DSE: variants seen among roughly 807,000 people sequenced by gnomAD.
DSE encodes the protein dermatan-sulfate epimerase.
A neutral mutation model predicts 84.4 loss-of-function variants in DSE; 36 were observed. The ratio of observed to expected loss-of-function variants is 0.43; its 90% CI spans 0.33 to 0.56. The LOEUF (loss-of-function observed/expected upper bound fraction) is 0.56. Among genes scored for constraint, DSE ranks in the 20% least tolerant of loss-of-function variants. The pLI is 0.06. For synonymous variants in DSE, 410 were observed against 430.1 expected, an observed-to-expected ratio of 0.95 and a Z score of 0.58; for missense variants, 862 against 1,169.6, an observed-to-expected ratio of 0.74 and a Z score of 3.84.
At chr6:116,391,825 A>G (rs1052123707) in intron 1 of DSE, among the ~76,000 whole-genome samples, 1 of 151,468 alleles carries the variant, frequency 6.6e-6, no homozygotes, top group Non-Finnish European at 1.5e-5. Context: ...GTCTGAGTCC[A>G]CGGGCTTTAC....
rs185124967 is a variant in DSE at position 116,319,221 on chromosome 6, A to T, written c.-54+60254A>T. Among the ~76,000 whole-genome samples, 6 of 152,350 alleles carry T rather than the reference A, an allele frequency of 3.9e-5. No individual in the cohort carries two copies. The East Asian group carries it at 1.2e-3, about 29-fold the overall frequency. ...ATTTCTCACAGATTAGTTAACATAC[A>T]CCCTTGTATTAGTCAGAGTAGATAG... On this transcript the variant is annotated intron_variant, in intron 2 of 3. Coordinates refer to the DSE transcript ENST00000430252.
intron 2 of DSE, among the ~76,000 whole-genome samples, chr6:116,282,227 G>C (rs917653057): frequency 2.4e-4 from 36 of 152,306 alleles, no homozygotes; most frequent in African/African-American, 8.2e-4. Context: ...TACTTTTGGT[G>C]TAAATAAAAA....
chr6:116,397,207 C>CTTTTT (rs11296951), intron 1 of DSE, among the ~76,000 whole-genome samples: 9 of 105,162 alleles, frequency 8.6e-5, no homozygotes, highest in South Asian at 3.0e-4. Flanking sequence ...CTCTTTCTTT[C>CTTTTT]TTTTTTTTTT....
At chr6:116,369,471 T>C (rs137963631), upstream of DSE, among the ~76,000 whole-genome samples, 76 of 152,318 alleles carry the variant, frequency 5.0e-4, no homozygotes, top group African/African-American at 1.8e-3. Context: ...CATTAGCTAT[T>C]TTTATTATAT....
At chr6:116,433,288 T>G in intron 4 of DSE, 55 bp from the exon 5 acceptor site, 1 of 1,499,814 alleles carries the variant, frequency 6.7e-7, no homozygotes, top group Non-Finnish European at 9.1e-7. Context: ...TTTAGACCTA[T>G]ATAGGAGTGT....
intron 2 of DSE, among the ~76,000 whole-genome samples, chr6:116,266,681 A>G (rs942061889): frequency 6.6e-6 from 1 of 152,236 alleles, no homozygotes; most frequent in African/African-American, 2.4e-5. Flanking sequence ...ATATGTATAC[A>G]ATAAAAATCC....
chr6:116,363,354 A>G (rs1779006620), intron 2 of DSE, among the ~76,000 whole-genome samples: 1 of 146,410 alleles, frequency 6.8e-6, no homozygotes, highest in Non-Finnish European at 1.5e-5. Flanking sequence ...TAAAATATAC[A>G]TATATATACA....
intron 2 of DSE, among the ~76,000 whole-genome samples, chr6:116,404,618 G>A (rs1049697646): frequency 3.9e-5 from 6 of 152,214 alleles, no homozygotes; most frequent in African/African-American, 1.4e-4. Flanking sequence ...TCATCCCAAG[G>A]ATTGAATGAA....
intron 2 of DSE, among the ~76,000 whole-genome samples, chr6:116,304,947 T>C (rs1485120988): frequency 6.6e-6 from 1 of 152,166 alleles, no homozygotes; most frequent in Non-Finnish European, 1.5e-5. Context: ...AGGTAATCCA[T>C]CTCTATCCTA....
intron 2 of DSE, among the ~76,000 whole-genome samples, chr6:116,306,298 A>G (rs1775340447): frequency 6.6e-6 from 1 of 152,218 alleles, no homozygotes; most frequent in Non-Finnish European, 1.5e-5. Context: ...CTGTTATCCA[A>G]ACAACAGACT....
At chr6:116,322,071 C>G (rs12214879) in intron 2 of DSE, among the ~76,000 whole-genome samples, 36,002 of 152,026 alleles carry the variant, frequency 0.24, 5,666 homozygotes, top group Non-Finnish European at 0.36. Flanking sequence ...TTTAAAGGCT[C>G]ACAACTCTAA....
intron 2 of DSE, among the ~76,000 whole-genome samples, chr6:116,345,984 C>T (rs9885934): frequency 0.052 from 7,894 of 152,158 alleles, 665 homozygotes; most frequent in African/African-American, 0.17. Context: ...GAGAATACTA[C>T]AAACACCTCT....
At chr6:116,388,857 T>C (rs1780722879) in intron 1 of DSE, among the ~76,000 whole-genome samples, 1 of 152,088 alleles carries the variant, frequency 6.6e-6, no homozygotes, top group Non-Finnish European at 1.5e-5. Context: ...CTCAGATCTG[T>C]TTGGTTACTT....
In DSE at chr6:116,399,685, C is replaced by T; in HGVS notation, c.416+19C>T. On this transcript the variant is annotated intron_variant, in intron 2 of 5. Coordinates refer to ENST00000644252, the MANE Select transcript of DSE (RefSeq NM_013352.4). Reference sequence around the variant, plus strand: ...CTAGTTGGTAGATTTTTGTCTTGTTCTTCTTACTGTGGTAACTCTGCATTA... The same window carrying T: ...CTAGTTGGTAGATTTTTGTCTTGTTTTTCTTACTGTGGTAACTCTGCATTA... 1 of 1,603,672 alleles carries T rather than the reference C, an allele frequency of 6.2e-7. No homozygotes were observed. Among genetic ancestry groups the T allele is most frequent in the East Asian group, 2.2e-5 (1 of 44,768 alleles).
At chr6:116,352,838 G>C (rs945506889) in intron 2 of DSE, among the ~76,000 whole-genome samples, 1 of 152,168 alleles carries the variant, frequency 6.6e-6, no homozygotes, top group African/African-American at 2.4e-5. Flanking sequence ...AACTCACCTA[G>C]CTTTCCAGCC....
At chr6:116,410,506 G>A (rs1583192755) in intron 2 of DSE, among the ~76,000 whole-genome samples, 2 of 152,264 alleles carry the variant, frequency 1.3e-5, no homozygotes, top group East Asian at 3.9e-4. Context: ...GGCAGAGGCA[G>A]GCGGATCACA....
At chr6:116,338,301 C>CA (rs1371006772) in intron 2 of DSE, among the ~76,000 whole-genome samples, 2 of 144,676 alleles carry the variant, frequency 1.4e-5, no homozygotes, top group African/African-American at 5.2e-5. Context: ...CGGCTCACTG[C>CA]AACCTCTGCC....
chr6:116,344,414 C>A (rs1189204450), intron 2 of DSE, among the ~76,000 whole-genome samples: 4 of 152,192 alleles, frequency 2.6e-5, no homozygotes, highest in African/African-American at 9.7e-5. Context: ...AAGAGAAGCC[C>A]ATCAGACTAA....
chr6:116,383,030 G>A (rs1224724330), intron 1 of DSE, among the ~76,000 whole-genome samples: 1 of 152,204 alleles, frequency 6.6e-6, no homozygotes, highest in Non-Finnish European at 1.5e-5. Context: ...TGTTGCTTGT[G>A]AATTGGTAGG....
Sources: allele counts gnomAD v4.1 joint callset (sites outside exome capture counted in the v4.1 genomes callset), GRCh38; gene constraint gnomAD v4.1.1; transcripts MANE v1.5; gene names NCBI Gene and HGNC (gene_info 2026-07-23, HGNC 2026-07-21).